WTAP: variants seen among roughly 807,000 people sequenced by gnomAD.
WTAP encodes the protein pre-mRNA-splicing regulator WTAP.
In WTAP, 8 loss-of-function variants were observed where a neutral mutation model predicts 50.0. That is an observed-to-expected ratio of 0.16 (90% CI 0.09 to 0.29). WTAP has a LOEUF of 0.29. Among genes scored for constraint, WTAP ranks in the 10% least tolerant of loss-of-function variants. The pLI, the probability that WTAP is intolerant of heterozygous loss-of-function variation, is 1.00. For missense variants in WTAP, 295 were observed against 470.7 expected (o/e 0.63, Z 3.45); for synonymous variants, 194 against 169.0 (o/e 1.15, Z -1.15).
chr6:159,753,457 C>T lies in WTAP; in HGVS notation c.453-3C>T. 2.5e-6 allele frequency: 4 copies of T among 1,614,138 alleles called. No homozygotes were observed. Among genetic ancestry groups the T allele is most frequent in the Non-Finnish European group, 3.4e-6 (4 of 1,180,012 alleles). ...TTGTGATGGATGGCTCTTTCCTTTG[C>T]AGCCAAACAGGGAAAAAGTTAATGG... On this transcript the variant is annotated splice_region_variant and splice_polypyrimidine_tract_variant and intron_variant, in intron 6 of 7. Transcript: ENST00000621533.
rs370838345 is a variant in WTAP, at chr6:159,755,422, G to A, written c.1002G>A (p.Ala334=). ...GTGGTTACGTAAATCAACTCAGTGC[G>A]GGGTATGAAAGTGTAGACTCTCCCA... The part of the protein sequence containing the change: ...GGSGYVNQLS[A]GYESVDSPTG... The change falls in exon 8 of 8, where the codon GCG becomes GCA. Residue 334 remains alanine (A), a synonymous_variant. Coordinates refer to ENST00000621533, the MANE Select transcript of WTAP (RefSeq NM_001270531.2). 90 of 1,614,042 alleles carry A rather than the reference G, an allele frequency of 5.6e-5. No individual in the cohort carries two copies. The highest frequency in any genetic ancestry group is 3.1e-5 in the Non-Finnish European group (36 of 1,180,050).
chr6:159,750,598 C>G (rs1241103249), intron 6 of WTAP, among the ~76,000 whole-genome samples: 1 of 152,182 alleles, frequency 6.6e-6, no homozygotes, highest in African/African-American at 2.4e-5. Context: ...GTGATCATAC[C>G]ATAAACACAG....
upstream of WTAP, chr6:159,727,276 C>T (rs1232247571): frequency 1.2e-5 from 16 of 1,283,086 alleles, no homozygotes; most frequent in African/African-American, 1.5e-5. Context: ...CTTTCCTCTC[C>T]TGGCGGGGTT....
chr6:159,727,572 ACTAGGAGCGCGGCGGGG>A lies in WTAP; in HGVS notation c.-138_-122del. 1.0e-6 allele frequency: 1 copy of A among 986,390 alleles called. No homozygotes were observed. The highest frequency in any genetic ancestry group is 1.2e-6 in the Non-Finnish European group (1 of 831,138). 61.1% of individuals were successfully genotyped at this position (986,390 alleles called of 1,614,324 possible). ...AGGGGAGCGCAGGGGTTGCGGCGGG[ACTAGGAGCGCGGCGGGG>A]CCGGCGGCAGAGCTGTCCGGCTGCG... On this transcript the variant is annotated 5_prime_UTR_variant, in exon 1 of 8. Coordinates refer to ENST00000621533, the MANE Select transcript of WTAP (RefSeq NM_001270531.2).
rs771382825 is a variant in WTAP, at chr6:159,738,978, T to C, written c.31-12T>C. On this transcript the variant is annotated splice_polypyrimidine_tract_variant and intron_variant, in intron 2 of 7. Transcript: ENST00000621533. ...GAAGAACACTAAATTCATATTGTAA[T>C]TCTCTTTATAGGTTCGATTGAGTGA... 4 of 1,603,296 alleles carry C rather than the reference T, an allele frequency of 2.5e-6. No individual in the cohort carries two copies. In the East Asian group the frequency reaches 9.0e-5, roughly 36 times the overall value.
chr6:159,732,736 A>C (rs569882253), intron 1 of WTAP, among the ~76,000 whole-genome samples: 1 of 152,224 alleles, frequency 6.6e-6, no homozygotes, highest in African/African-American at 2.4e-5. Flanking sequence ...AGGCAGGAGA[A>C]TCGCTTGAAT....
chr6:159,753,734 ATAT>A (rs1779902492), intron 7 of WTAP, 120 bp downstream of exon 7: 8 of 1,276,194 alleles, frequency 6.3e-6, no homozygotes, highest in African/African-American at 6.0e-5. Context: ...CTATGATTGT[ATAT>A]TATTGTGAGT....
chr6:159,741,794 C>T, intron 3 of WTAP: 1 of 233,386 alleles, frequency 4.3e-6, no homozygotes, highest in Non-Finnish European at 8.4e-6. Flanking sequence ...TCAAGACCAG[C>T]CTGGGCAACG....
chr6:159,730,903 G>A (rs1256906789), intron 1 of WTAP: 1 of 151,894 alleles, frequency 6.6e-6, no homozygotes, highest in Non-Finnish European at 1.5e-5. Flanking sequence ...TTTTTAAAAA[G>A]AACATAAGCC....
Position 159,748,848 on chromosome 6 carries a change from G to A in WTAP, c.452+479G>A. 8.2e-7 allele frequency: 1 copy of A among 1,217,560 alleles called. No individual in the cohort carries two copies. Among genetic ancestry groups the A allele is most frequent in the Non-Finnish European group, 1.0e-6 (1 of 979,130 alleles). The allele number at this position is 1,217,560 out of a possible 1,614,324, so 75.4% of individuals were successfully genotyped here. A position where few individuals can be genotyped will look rare whatever the true frequency, so the allele number is the denominator to read the frequency against. On this transcript the variant is annotated intron_variant, in intron 6 of 7. Coordinates refer to ENST00000621533, the MANE Select transcript of WTAP (RefSeq NM_001270531.2). This position sits in a 1 kb window ranked among gnomAD's most constrained non-coding sequence, Gnocchi z 5.6. ...CATCGCTCTTAACCTTGAGCATAGT[G>A]ACTTAGAGACACTGTGTATCAGTTT...
Position 159,743,645 on chromosome 6 carries a change from ATT to A in WTAP, c.146-12_146-11del. 6.4e-7 allele frequency: 1 copy of A among 1,556,836 alleles called. No homozygotes were observed. Among genetic ancestry groups the A allele is most frequent in the Non-Finnish European group, 8.7e-7 (1 of 1,151,916 alleles). On this transcript the variant is annotated intron_variant, in intron 4 of 7. Coordinates refer to ENST00000621533, the MANE Select transcript of WTAP (RefSeq NM_001270531.2). ...ACTTGATCTTAAAATTGTATTTATA[ATT>A]TTTTTTTGAATCATCAGCTAATGAT...
intron 5 of WTAP, among the ~76,000 whole-genome samples, chr6:159,744,508 A>G (rs1260260409): frequency 4.5e-5 from 6 of 134,104 alleles, no homozygotes; most frequent in African/African-American, 1.7e-4. Flanking sequence ...GGAGACACCA[A>G]AAATCTATGG....
rs1779952538 is a variant in WTAP, at chr6:159,755,015, C to G, written c.608-13C>G. 3.8e-6 allele frequency: 6 copies of G among 1,583,216 alleles called. No homozygotes were observed. The highest frequency in any genetic ancestry group is 5.2e-6 in the Non-Finnish European group (6 of 1,163,632). On this transcript the variant is annotated splice_polypyrimidine_tract_variant and intron_variant, in intron 7 of 7. Coordinates refer to ENST00000621533, the MANE Select transcript of WTAP (RefSeq NM_001270531.2). ...AAACGATATTAAAGTTGGTCTGACTCTCCTTTGCACAGAACTGAATGACTT... is the reference window on the plus strand; with the variant it reads ...AAACGATATTAAAGTTGGTCTGACTGTCCTTTGCACAGAACTGAATGACTT...
chr6:159,751,639 C>A (rs1049005219), intron 6 of WTAP, among the ~76,000 whole-genome samples: 2 of 152,230 alleles, frequency 1.3e-5, no homozygotes, highest in African/African-American at 4.8e-5. Context: ...AAGAATAAAG[C>A]CTTTACCACA....
upstream of WTAP, chr6:159,727,149 G>T (rs887080022): frequency 2.5e-6 from 3 of 1,195,406 alleles, no homozygotes; most frequent in African/African-American, 1.6e-5. Context: ...GAGCTCCGGG[G>T]CCCGCGGAGC....
At chr6:159,728,715 C>T (rs1778380318) in intron 1 of WTAP, among the ~76,000 whole-genome samples, 1 of 152,186 alleles carries the variant, frequency 6.6e-6, no homozygotes, top group South Asian at 2.1e-4. Context: ...CAAGTAGCAT[C>T]TGATTAGCCA....
At chr6:159,747,217 A>G (rs1164731475) in intron 5 of WTAP, among the ~76,000 whole-genome samples, 1 of 152,198 alleles carries the variant, frequency 6.6e-6, no homozygotes, top group Non-Finnish European at 1.5e-5. Context: ...ACTATATTTC[A>G]TATTTTAGAA....
At position 159,748,313 on chromosome 6, in the gene WTAP, A is replaced by C; in HGVS notation, c.396A>C (p.Lys132Asn). Reference sequence around the variant, plus strand: ...TGAAAGGTGAACTGGAACAGACTAAAGACAAACTGGAACAAGCCCAAAATG... The same window carrying C: ...TGAAAGGTGAACTGGAACAGACTAACGACAAACTGGAACAAGCCCAAAATG... ...LKMKGELEQT[K>N]DKLEQAQNEL... Residue 132 changes from lysine to asparagine, a missense_variant, in exon 6 of 8, where the codon AAA becomes AAC. Transcript: ENST00000621533. The surrounding 1 kb of genome is among the most constrained non-coding windows in gnomAD (Gnocchi z 5.6). 6.2e-7 allele frequency: 1 copy of C among 1,614,094 alleles called. No homozygotes were observed. Among genetic ancestry groups the C allele is most frequent in the Non-Finnish European group, 8.5e-7 (1 of 1,179,952 alleles).
chr6:159,727,946 G>A (rs948797189), intron 1 of WTAP, among the ~76,000 whole-genome samples: 45 of 152,212 alleles, frequency 3.0e-4, no homozygotes, highest in African/African-American at 8.0e-4. Flanking sequence ...GTGCTCTGGC[G>A]GCCGGAGAGA....
Sources: gnomAD v4.1 joint callset for allele counts (sites outside exome capture counted in the v4.1 genomes callset) on GRCh38, gnomAD v4.1.1 for gene constraint, Gnocchi (gnomAD v3.1) non-coding constraint, MANE v1.5 for transcripts, NCBI Gene and HGNC (gene_info 2026-07-23, HGNC 2026-07-21) for gene names.